Variants in SGCZ observed in about 807,000 individuals in gnomAD.
The protein encoded by SGCZ is sarcoglycan zeta, also known as zeta-sarcoglycan.
Under a neutral mutation model 41.3 loss-of-function variants are expected in SGCZ, and 40 were observed. The observed-to-expected ratio is 0.97, with a 90% confidence interval of 0.75 to 1.26. SGCZ has a LOEUF of 1.26. Among genes scored for constraint, SGCZ ranks in the 50% most tolerant of loss-of-function variants. The probability of loss-of-function intolerance (pLI) is 0.00; values close to 1 mark genes in which losing one functional copy is unlikely to be tolerated. For missense variants in SGCZ, 552 were observed against 369.8 expected, an observed-to-expected ratio of 1.49 and a Z score of -4.04; for synonymous variants, 206 against 137.5, an observed-to-expected ratio of 1.50 and a Z score of -3.49.
At chr8:14,840,702 C>G (rs958464848) in intron 1 of SGCZ, among the ~76,000 whole-genome samples, 20 of 152,012 alleles carry the variant, frequency 1.3e-4, no homozygotes, top group Non-Finnish European at 2.9e-4. Context: ...TTTATCTTGT[C>G]AGGAGCTATA....
At chr8:14,627,187 T>C (rs1806490881) in intron 1 of SGCZ, among the ~76,000 whole-genome samples, 1 of 152,208 alleles carries the variant, frequency 6.6e-6, no homozygotes, top group Non-Finnish European at 1.5e-5. Flanking sequence ...AGTGTGCAAG[T>C]TGCACATAAA....
At chr8:14,626,799 A>C (rs1806474611) in intron 1 of SGCZ, among the ~76,000 whole-genome samples, 1 of 152,152 alleles carries the variant, frequency 6.6e-6, no homozygotes, top group Non-Finnish European at 1.5e-5. Context: ...GATATCTTGA[A>C]TTTACATTTC....
chr8:14,422,620 C>T (rs1024749242), intron 2 of SGCZ, among the ~76,000 whole-genome samples: 2 of 152,136 alleles, frequency 1.3e-5, no homozygotes, highest in African/African-American at 4.8e-5. Flanking sequence ...AAAAAGAATG[C>T]TCTAAGAAAA....
intron 2 of SGCZ, among the ~76,000 whole-genome samples, chr8:14,331,424 G>GA (rs1315042653): frequency 6.6e-6 from 1 of 151,920 alleles, no homozygotes; most frequent in Admixed American, 6.6e-5. Context: ...AAGCATAAAA[G>GA]AAAAAACAAA....
intron 1 of SGCZ, among the ~76,000 whole-genome samples, chr8:14,943,252 C>A (rs755945251): frequency 6.6e-6 from 1 of 152,062 alleles, no homozygotes; most frequent in African/African-American, 2.4e-5. Flanking sequence ...TCTGAAAATG[C>A]GGCTATATAC....
intron 1 of SGCZ, among the ~76,000 whole-genome samples, chr8:14,863,564 C>T (rs1031537345): frequency 6.6e-6 from 1 of 152,144 alleles, no homozygotes; most frequent in Non-Finnish European, 1.5e-5. Flanking sequence ...AAAATGAACA[C>T]TGACAGTCCT....
Position 14,958,922 on chromosome 8 carries a change from A to T in SGCZ, c.39+278663T>A, listed in dbSNP as rs974068800. 7.2e-5 allele frequency among the ~76,000 whole-genome samples: 11 copies of T among 152,122 alleles called. No homozygotes were observed. In the East Asian group the frequency reaches 1.9e-3, roughly 27 times the overall value. ...ACAGTAATTACAGAATCTGTGTTTG[A>T]TAGACAGATTCTCTAAAACTCTTTT... On this transcript the variant is annotated intron_variant, in intron 1 of 7. Transcript: ENST00000382080.
intron 1 of SGCZ, among the ~76,000 whole-genome samples, chr8:14,758,684 A>C (rs1249931891): frequency 6.6e-6 from 1 of 152,186 alleles, no homozygotes; most frequent in Non-Finnish European, 1.5e-5. Context: ...AAGCGAAATT[A>C]TTTACCATTT....
At chr8:14,090,669 A>T (rs774861470) in intron 7 of SGCZ, 32 bp from the exon 8 acceptor site, 1 of 1,589,458 alleles carries the variant, frequency 6.3e-7, no homozygotes, top group South Asian at 1.1e-5. Flanking sequence ...ATTTTAATTC[A>T]TTTTAGAAAT....
chr8:14,631,909 G>A (rs987024739), intron 1 of SGCZ, among the ~76,000 whole-genome samples: 5 of 152,008 alleles, frequency 3.3e-5, no homozygotes, highest in Non-Finnish European at 5.9e-5. Flanking sequence ...TGGAACAAAC[G>A]TTAACTGAAA....
intron 3 of SGCZ, among the ~76,000 whole-genome samples, chr8:14,266,325 A>G (rs2117249818): frequency 6.6e-6 from 1 of 152,276 alleles, no homozygotes; most frequent in East Asian, 1.9e-4. Flanking sequence ...TGTGGGTGAG[A>G]CATTAATGAA....
At chr8:14,639,192 A>G (rs1346339555) in intron 1 of SGCZ, among the ~76,000 whole-genome samples, 1 of 151,448 alleles carries the variant, frequency 6.6e-6, no homozygotes, top group Non-Finnish European at 1.5e-5. Context: ...TTAATGAGAG[A>G]CTGGAAAAGT....
chr8:14,874,590 T>A (rs904380204), intron 1 of SGCZ, among the ~76,000 whole-genome samples: 5 of 152,140 alleles, frequency 3.3e-5, no homozygotes, highest in African/African-American at 9.6e-5. Context: ...GTAGATTCTC[T>A]TCTAATATAA....
intron 2 of SGCZ, among the ~76,000 whole-genome samples, chr8:14,476,758 G>C (rs566333511): frequency 6.6e-6 from 1 of 152,250 alleles, no homozygotes; most frequent in South Asian, 2.1e-4. Context: ...ATGAAGTTGT[G>C]ACAAGTTGGC....
chr8:15,217,378 C>A (rs1279610869), intron 1 of SGCZ, among the ~76,000 whole-genome samples: 1 of 149,164 alleles, frequency 6.7e-6, no homozygotes, highest in South Asian at 2.1e-4. Context: ...GATTGCGCCA[C>A]CGCACTCCAA....
At chr8:14,212,467 C>A (rs201910649) in intron 4 of SGCZ, among the ~76,000 whole-genome samples, 92 of 97,742 alleles carry the variant, frequency 9.4e-4, no homozygotes, top group Non-Finnish European at 1.1e-3. Context: ...ATGCAAAAGA[C>A]AAAAAAAAAA....
chr8:14,564,959 T>C (rs1804314893), intron 1 of SGCZ, among the ~76,000 whole-genome samples: 1 of 152,164 alleles, frequency 6.6e-6, no homozygotes, highest in Non-Finnish European at 1.5e-5. Flanking sequence ...GGAGTGGATT[T>C]TTTTTTTCTA....
chr8:14,120,830 C>T (rs1802674782), intron 5 of SGCZ, among the ~76,000 whole-genome samples: 1 of 151,986 alleles, frequency 6.6e-6, no homozygotes, highest in Admixed American at 6.6e-5. Context: ...GTAAGATTAT[C>T]CTATCCTAAA....
intron 1 of SGCZ, among the ~76,000 whole-genome samples, chr8:14,978,235 A>AGG (rs71209095): frequency 1.6e-4 from 24 of 151,484 alleles, no homozygotes; most frequent in South Asian, 4.2e-4. Flanking sequence ...TAGGAGGCTG[A>AGG]GGGGGGTGGA....
Sources: allele counts gnomAD v4.1 joint callset (sites outside exome capture counted in the v4.1 genomes callset), GRCh38; gene constraint gnomAD v4.1.1; transcripts MANE v1.5; gene names NCBI Gene and HGNC (gene_info 2026-07-23, HGNC 2026-07-21).